Variants in ARHGAP22 observed in about 807,000 individuals in gnomAD.
ARHGAP22 encodes the protein Rho GTPase activating protein 22.
A neutral mutation model predicts 59.1 loss-of-function variants in ARHGAP22; 48 were observed. The observed-to-expected ratio is 0.81, with a 90% CI of 0.64 to 1.03. The LOEUF (loss-of-function observed/expected upper bound fraction) is 1.03, where lower values mean the gene tolerates loss of function less well. ARHGAP22 is among the 50% of genes least tolerant of loss of function. The probability of loss-of-function intolerance (pLI) is 0.00; values close to 1 mark genes in which losing one functional copy is unlikely to be tolerated. For synonymous variants in ARHGAP22, 445 were observed against 416.4 expected (o/e 1.07, Z -0.84); for missense variants, 1,015 against 958.7 (o/e 1.06, Z -0.78).
intron 4 of ARHGAP22, among the ~76,000 whole-genome samples, chr10:48,476,122 G>A (rs368047458): frequency 9.9e-5 from 15 of 152,272 alleles, no homozygotes; most frequent in South Asian, 6.2e-4. Context: ...CTACTAGCAC[G>A]TGAGAACCAT....
chr10:48,623,541 G>A (rs925527932), intron 1 of ARHGAP22, among the ~76,000 whole-genome samples: 1 of 152,208 alleles, frequency 6.6e-6, no homozygotes, highest in African/African-American at 2.4e-5. Flanking sequence ...CATGAAAACT[G>A]AGTGATCACT....
intron 2 of ARHGAP22, chr10:48,582,692 T>C (rs1381553509): frequency 5.7e-6 from 3 of 529,266 alleles, no homozygotes; most frequent in Non-Finnish European, 1.0e-5. Context: ...GACGTTGTTT[T>C]CTTAAGTTGG....
At chr10:48,651,933 C>G (rs78939376) in intron 1 of ARHGAP22, among the ~76,000 whole-genome samples, 1 of 152,266 alleles carries the variant, frequency 6.6e-6, no homozygotes, top group South Asian at 2.1e-4. Flanking sequence ...ACTGCCCCAG[C>G]GGTCCTTGGA....
intron 3 of ARHGAP22, among the ~76,000 whole-genome samples, chr10:48,517,728 A>G (rs891612057): frequency 1.3e-5 from 2 of 152,136 alleles, no homozygotes; most frequent in African/African-American, 2.4e-5. Flanking sequence ...CTCCTCTCCA[A>G]GCAGGTAGGA....
intron 1 of ARHGAP22, among the ~76,000 whole-genome samples, chr10:48,620,715 T>C (rs117820607): frequency 0.013 from 2,052 of 152,258 alleles, 18 homozygotes; most frequent in Non-Finnish European, 0.022. Context: ...AGAGGAAATG[T>C]TAGTTCTCTC....
intron 1 of ARHGAP22, among the ~76,000 whole-genome samples, chr10:48,588,477 T>A (rs1438708826): frequency 6.6e-6 from 1 of 152,176 alleles, no homozygotes; most frequent in Non-Finnish European, 1.5e-5. Context: ...TTTAATCAAT[T>A]TATTTGGTCC....
chr10:48,570,733 A>C (rs995455290), intron 2 of ARHGAP22, among the ~76,000 whole-genome samples: 1 of 152,188 alleles, frequency 6.6e-6, no homozygotes, highest in Non-Finnish European at 1.5e-5. Flanking sequence ...CACCAAGAGC[A>C]ATGAGATCCA....
intron 3 of ARHGAP22, among the ~76,000 whole-genome samples, chr10:48,547,712 C>T (rs2056565112): frequency 6.6e-6 from 1 of 152,240 alleles, no homozygotes; most frequent in Admixed American, 6.5e-5. Context: ...GGCTAATCCT[C>T]AGCACTGCAC....
At chr10:48,625,192 G>A (rs1323510490) in intron 1 of ARHGAP22, 1 of 152,194 alleles carries the variant, frequency 6.6e-6, no homozygotes, top group Non-Finnish European at 1.5e-5. Flanking sequence ...TGAGGTCATA[G>A]AGGAAGTCCC....
chr10:48,489,728 C>G (rs1047338898), intron 3 of ARHGAP22, among the ~76,000 whole-genome samples: 12 of 141,500 alleles, frequency 8.5e-5, no homozygotes, highest in South Asian at 2.3e-4. Context: ...CTGAGGCTGC[C>G]TCTTTTTTTT....
chr10:48,597,317 T>C (rs1426134337), intron 1 of ARHGAP22, among the ~76,000 whole-genome samples: 1 of 152,058 alleles, frequency 6.6e-6, no homozygotes, highest in African/African-American at 2.4e-5. Context: ...CACGGCCTGT[T>C]TCCACACATG....
intron 2 of ARHGAP22, among the ~76,000 whole-genome samples, chr10:48,557,493 A>C (rs544644745): frequency 4.5e-4 from 68 of 152,322 alleles, no homozygotes; most frequent in African/African-American, 1.5e-3. Context: ...GGTAGACACT[A>C]CCATTCCTGT....
intron 1 of ARHGAP22, among the ~76,000 whole-genome samples, chr10:48,602,550 T>G (rs2060447085): frequency 6.6e-6 from 1 of 152,110 alleles, no homozygotes; most frequent in African/African-American, 2.4e-5. Context: ...GAGGCCAAAT[T>G]TCCTAAGTAC....
At chr10:48,606,047 G>A (rs1421992356), upstream of ARHGAP22, among the ~76,000 whole-genome samples, 1 of 152,098 alleles carries the variant, frequency 6.6e-6, no homozygotes, top group African/African-American at 2.4e-5. Flanking sequence ...TAATCACTCC[G>A]TGTATCCTCT....
chr10:48,600,196 T>C (rs1483426376), intron 1 of ARHGAP22, among the ~76,000 whole-genome samples: 1 of 152,238 alleles, frequency 6.6e-6, no homozygotes, highest in East Asian at 1.9e-4. Flanking sequence ...AGAGATTCTC[T>C]CACTTTCCTT....
At chr10:48,600,012 T>C (rs994825872) in intron 1 of ARHGAP22, among the ~76,000 whole-genome samples, 2 of 152,126 alleles carry the variant, frequency 1.3e-5, no homozygotes, top group Non-Finnish European at 2.9e-5. Flanking sequence ...GATCTCAGAG[T>C]CTTGTGTTTA....
At chr10:48,469,204 G>A (rs994568593) in intron 4 of ARHGAP22, among the ~76,000 whole-genome samples, 3 of 152,348 alleles carry the variant, frequency 2.0e-5, no homozygotes, top group South Asian at 4.1e-4. Context: ...CATGGCTAGA[G>A]GCCTGCAGGC....
At chr10:48,642,812 T>C (rs2062108124) in intron 1 of ARHGAP22, among the ~76,000 whole-genome samples, 1 of 152,096 alleles carries the variant, frequency 6.6e-6, no homozygotes, top group Non-Finnish European at 1.5e-5. Flanking sequence ...ACCTACAGAA[T>C]GGGAGAAAAT....
chr10:48,433,938 T>G, the ARHGAP22 span, among the ~76,000 whole-genome samples: 12 of 152,318 alleles, frequency 7.9e-5, no homozygotes, highest in South Asian at 2.5e-3. Flanking sequence ...TTTAAGTAAC[T>G]TGCATTATTC....
Sources: allele counts gnomAD v4.1 joint callset (sites outside exome capture counted in the v4.1 genomes callset), GRCh38; gene constraint gnomAD v4.1.1; transcripts MANE v1.5; gene names NCBI Gene and HGNC (gene_info 2026-07-23, HGNC 2026-07-21).